Variants in SEM1 observed in about 807,000 individuals in gnomAD.
The protein encoded by SEM1 is 26S proteasome complex subunit SEM1.
A neutral mutation model predicts 12.7 loss-of-function variants in SEM1; 3 were observed. The observed-to-expected ratio is 0.24, with a 90% CI of 0.11 to 0.61. SEM1 has a LOEUF of 0.61. SEM1 is among the 20% of genes least tolerant of loss of function. The pLI is 0.88. For synonymous variants in SEM1, 30 were observed against 27.8 expected, an observed-to-expected ratio of 1.08 and a Z score of -0.25; for missense variants, 59 against 81.3, an observed-to-expected ratio of 0.73 and a Z score of 1.06.
chr7:96,488,887 A>G (rs894566471), intron 1 of SEM1, among the ~76,000 whole-genome samples: 1 of 152,024 alleles, frequency 6.6e-6, no homozygotes, highest in African/African-American at 2.4e-5. Context: ...GTTTTCTAAT[A>G]ATTGAAGTTA....
intron 1 of SEM1, among the ~76,000 whole-genome samples, chr7:96,709,161 T>C (rs1224741916): frequency 6.6e-6 from 1 of 151,994 alleles, no homozygotes; most frequent in African/African-American, 2.4e-5. Context: ...AGTTAAGTGA[T>C]CAAAATGGTG....
chr7:96,543,645 A>G (rs1424061115), intron 2 of SEM1, among the ~76,000 whole-genome samples: 1 of 152,000 alleles, frequency 6.6e-6, no homozygotes. Flanking sequence ...GTATCATAGC[A>G]TTAACCTAAG....
chr7:96,529,641 A>AGAAG (rs1804581678), intron 2 of SEM1, among the ~76,000 whole-genome samples: 1 of 152,180 alleles, frequency 6.6e-6, no homozygotes, highest in Non-Finnish European at 1.5e-5. Flanking sequence ...TAGTTCTTGA[A>AGAAG]GAAGGGTTCT....
At chr7:96,696,374 GAGTA>G (rs1790098351) in intron 1 of SEM1, 1 of 152,036 alleles carries the variant, frequency 6.6e-6, no homozygotes, top group East Asian at 1.9e-4. Context: ...TGACACTACT[GAGTA>G]AACAAAGACG....
At chr7:96,542,195 A>G (rs560935826) in intron 2 of SEM1, among the ~76,000 whole-genome samples, 1 of 151,906 alleles carries the variant, frequency 6.6e-6, no homozygotes, top group African/African-American at 2.4e-5. Context: ...TTTTGGCAGT[A>G]TGGCCATTTT....
intron 2 of SEM1, among the ~76,000 whole-genome samples, chr7:96,529,703 C>A (rs987127953): frequency 1.3e-5 from 2 of 152,124 alleles, no homozygotes; most frequent in African/African-American, 4.8e-5. Flanking sequence ...AAAAGACCAT[C>A]ACTTTACAGA....
rs1348214605 is a variant in SEM1, at chr7:96,652,609, T to G, written c.171-29966A>C. ...AATTTTTGAAACTTTGAAGGCATAA[T>G]AGATTTTAGGTATAATACTATTTAA... On this transcript the variant is annotated intron_variant, in intron 2 of 2. Transcript: ENST00000417009. Among the ~76,000 whole-genome samples the G allele has an allele frequency of 1.3e-5, 2 of 152,128 alleles. 1 individual carries two copies. Among genetic ancestry groups the G allele is most frequent in the Admixed American group, 1.3e-4 (2 of 15,266 alleles).
At chr7:96,709,657 C>G (rs767894806) in intron 1 of SEM1, 31 bp downstream of exon 1, 69 of 1,606,326 alleles carry the variant, frequency 4.3e-5, no homozygotes, top group Non-Finnish European at 5.8e-5. Context: ...TCACCGTTCG[C>G]GCGACACAGA....
chr7:96,693,558 G>GA (rs1400154746), intron 2 of SEM1, among the ~76,000 whole-genome samples: 1 of 151,636 alleles, frequency 6.6e-6, no homozygotes, highest in Admixed American at 6.6e-5. Context: ...AATAACAAAA[G>GA]AAAAAATAGA....
intron 2 of SEM1, among the ~76,000 whole-genome samples, chr7:96,681,810 A>G (rs538132820): frequency 6.6e-6 from 1 of 152,150 alleles, no homozygotes; most frequent in Non-Finnish European, 1.5e-5. Context: ...GTTTGAAGCC[A>G]GGTAGTGTGA....
chr7:96,520,262 G>A (rs192893930), intron 2 of SEM1, among the ~76,000 whole-genome samples: 3 of 152,188 alleles, frequency 2.0e-5, no homozygotes, highest in East Asian at 3.9e-4. Flanking sequence ...CCTAGACCAC[G>A]CTTGCTCTGC....
chr7:96,491,592 A>C (rs959776869), intron 1 of SEM1, among the ~76,000 whole-genome samples: 2 of 152,202 alleles, frequency 1.3e-5, no homozygotes, highest in Non-Finnish European at 1.5e-5. Context: ...ACAGGCAGGA[A>C]GGGAAGCTGT....
intron 1 of SEM1, among the ~76,000 whole-genome samples, chr7:96,487,102 C>G (rs1802802030): frequency 7.1e-6 from 1 of 140,072 alleles, no homozygotes; most frequent in Non-Finnish European, 1.5e-5. Context: ...TCTGCACAAC[C>G]TATTCTAGAT....
intron 2 of SEM1, among the ~76,000 whole-genome samples, chr7:96,612,881 T>C (rs1436139820): frequency 1.3e-5 from 2 of 152,306 alleles, no homozygotes; most frequent in Middle Eastern, 3.4e-3. Context: ...ATGATCCGCC[T>C]GCCTCGGCCT....
In SEM1 at chr7:96,690,543, A is replaced by C. The variant is rs550036090; in HGVS notation, c.171-1577T>G. On this transcript the variant is annotated intron_variant, in intron 2 of 2. Coordinates refer to ENST00000248566, the MANE Select transcript of SEM1 (RefSeq NM_006304.2). Reference sequence around the variant, plus strand: ...TAATCATGAGGCTGCTGAGTGGAAAAATCAACAAAGACAAAAATAGAAAAC... The same window carrying C: ...TAATCATGAGGCTGCTGAGTGGAAACATCAACAAAGACAAAAATAGAAAAC... Among the ~76,000 whole-genome samples the C allele has an allele frequency of 2.0e-5, 3 of 152,334 alleles. No homozygotes were observed. The South Asian group carries it at 6.2e-4, about 32-fold the overall frequency.
chr7:96,572,247 G>A (rs2115989139), intron 2 of SEM1, among the ~76,000 whole-genome samples: 1 of 152,160 alleles, frequency 6.6e-6, no homozygotes, highest in Admixed American at 6.5e-5. Context: ...TGGATTCATT[G>A]ATTTTTTGAA....
rs139094678 is a variant in SEM1, at chr7:96,623,314, T to A, written c.171-671A>T. On this transcript the variant is annotated intron_variant, in intron 2 of 2. Transcript: ENST00000417009. ...GGCTAAACCACACCACCAGCTTTCATGGGTTTCCAACTGTAGACAGCAGAT... is the reference window on the plus strand; with the variant it reads ...GGCTAAACCACACCACCAGCTTTCAAGGGTTTCCAACTGTAGACAGCAGAT... Among the ~76,000 whole-genome samples the A allele has an allele frequency of 3.3e-3, 502 of 152,164 alleles. 2 individuals carry two copies. The highest frequency in any genetic ancestry group is 0.011 in the African/African-American group (459 of 41,532).
chr7:96,504,072 T>C (rs183698692), intron 3 of SEM1, among the ~76,000 whole-genome samples: 1 of 152,162 alleles, frequency 6.6e-6, no homozygotes, highest in African/African-American at 2.4e-5. Flanking sequence ...AAGGGTCTGA[T>C]GAAGCTTTGC....
intron 2 of SEM1, among the ~76,000 whole-genome samples, chr7:96,610,326 C>T (rs1458050561): frequency 2.6e-5 from 4 of 151,992 alleles, no homozygotes; most frequent in Admixed American, 6.5e-5. Flanking sequence ...CTCGAACTCC[C>T]GACCTCAGGT....
Sources: gnomAD v4.1 joint callset for allele counts (sites outside exome capture counted in the v4.1 genomes callset) on GRCh38, gnomAD v4.1.1 for gene constraint, MANE v1.5 for transcripts, NCBI Gene and HGNC (gene_info 2026-07-23, HGNC 2026-07-21) for gene names.